Variants in POLR3D observed in about 807,000 individuals in gnomAD.
POLR3D encodes the protein DNA-directed RNA polymerase III subunit RPC4.
POLR3D carries 42 observed loss-of-function variants against 44.5 expected under a neutral mutation model. The ratio of observed to expected loss-of-function variants is 0.94; its 90% CI spans 0.74 to 1.22. POLR3D has a LOEUF of 1.22. POLR3D is among the 50% of genes most tolerant of loss of function. POLR3D has a pLI of 0.00. For missense variants in POLR3D, 507 were observed against 505.2 expected (o/e 1.00, Z -0.03); for synonymous variants, 217 against 198.1 (o/e 1.10, Z -0.80).
chr8:22,245,895 T>A lies in POLR3D; in HGVS notation c.165+281T>A, dbSNP rs183334324. 2.1e-3 allele frequency among the ~76,000 whole-genome samples: 318 copies of A among 152,342 alleles called. 3 individuals are homozygous for A. Among genetic ancestry groups the A allele is most frequent in the African/African-American group, 7.4e-3 (307 of 41,568 alleles). On this transcript the variant is annotated intron_variant, in intron 2 of 8. Coordinates refer to ENST00000306433, the MANE Select transcript of POLR3D (RefSeq NM_001722.3). ...AGTGTTTATTTACTTTTATTGTGTG[T>A]TTGGACATCTTTAAGAAACCCATGA... is the stretch of plus-strand genomic sequence containing the variant.
intron 2 of POLR3D, among the ~76,000 whole-genome samples, 158 bp downstream of exon 2, chr8:22,245,772 A>C (rs1267082625): frequency 1.3e-5 from 2 of 152,214 alleles, no homozygotes; most frequent in Non-Finnish European, 2.9e-5. Context: ...CCTACCTTCA[A>C]ATCTAGGTAC....
rs188105444 is a variant in POLR3D at position 22,245,467 on chromosome 8, C to A, written c.18C>A (p.Ala6=). Residue 6 remains alanine, a synonymous_variant, in exon 2 of 9, where the codon GCC becomes GCA. Coordinates refer to ENST00000306433, the MANE Select transcript of POLR3D (RefSeq NM_001722.3). MSEGN[A]AGEPSTPGGP... is the part of the protein sequence containing the mutation. ...CAGGCAACATGTCGGAAGGAAACGC[C>A]GCCGGCGAGCCCAGCACGCCGGGAG... The A allele has an allele frequency of 7.6e-7, 1 of 1,309,024 alleles. No individual in the cohort carries two copies. The highest frequency in any genetic ancestry group is 9.8e-7 in the Non-Finnish European group (1 of 1,021,202). The allele number at this position is 1,309,024 out of a possible 1,614,324, so 81.1% of individuals were successfully genotyped here.
chr8:22,248,152 A>G lies in POLR3D; in HGVS notation c.362-2A>G, dbSNP rs1481185421. On this transcript the variant is annotated splice_acceptor_variant, in intron 4 of 8. Coordinates refer to ENST00000306433, the MANE Select transcript of POLR3D (RefSeq NM_001722.3). LOFTEE classifies it high-confidence loss of function. ...CCTAGTGACCTGGGTGATTTCCCAC[A>G]GGGAACTGGGATAAGACAGTGGATG... 1.2e-6 allele frequency: 2 copies of G among 1,613,660 alleles called. No individual in the cohort carries two copies. Among genetic ancestry groups the G allele is most frequent in the African/African-American group, 1.3e-5 (1 of 74,896 alleles).
intron 1 of POLR3D, 47 bp downstream of exon 1, chr8:22,245,230 T>A: frequency 1.8e-6 from 1 of 545,724 alleles, no homozygotes; most frequent in Non-Finnish European, 3.3e-6. Context: ...GGTGCGTCCC[T>A]GTCTGGTTCC....
At position 22,249,582 on chromosome 8, in the gene POLR3D, C is replaced by T. The variant is rs7001492; in HGVS notation, c.921+273C>T. Among the ~76,000 whole-genome samples, 552 of 152,266 alleles carry T rather than the reference C, an allele frequency of 3.6e-3. 3 individuals carry two copies. Among genetic ancestry groups the T allele is most frequent in the African/African-American group, 0.013 (531 of 41,542 alleles). On this transcript the variant is annotated intron_variant, in intron 7 of 8. Transcript: ENST00000306433. ...CGGTGGCTCATGCCTCTAATCCCAG[C>T]GCTTTGGGAGGCTGAGACAGGAGGA...
rs1314903484 is a variant in POLR3D, at chr8:22,251,314, T to C, written c.*796T>C. The C allele has an allele frequency of 5.2e-5, 8 of 153,702 alleles. No individual in the cohort carries two copies. The highest frequency in any genetic ancestry group is 1.5e-5 in the Non-Finnish European group (1 of 68,062). The allele number at this position is 153,702 out of a possible 1,614,324, so 9.5% of individuals were successfully genotyped here. A position where few individuals can be genotyped will look rare whatever the true frequency, so the allele number is the denominator to read the frequency against. ...GCCCTAAATTTATGGTGTCAGATTG[T>C]TCTATGCCTTTTTCTCCTGGCTCCT... On this transcript the variant is annotated 3_prime_UTR_variant, in exon 9 of 9. Transcript: ENST00000306433.
chr8:22,250,338 A>G, intron 8 of POLR3D, 58 bp from the exon 9 acceptor site: 4 of 1,611,884 alleles, frequency 2.5e-6, no homozygotes, highest in Non-Finnish European at 8.5e-7. Context: ...CCCCATTCAC[A>G]GCTCTACACG....
In POLR3D at chr8:22,249,306, C is replaced by T. The variant is rs1235297259; in HGVS notation, c.918C>T (p.Asp306=). Residue 306 remains aspartate, a synonymous_variant, in exon 7 of 9, where the codon GAC becomes GAT. Transcript: ENST00000306433. ...GQVVLIKQEK[D]REAKLAENAC... is the part of the protein sequence containing the mutation. ...TGGTGCTCATCAAGCAGGAGAAAGA[C>T]CGAGTACGCTCAGACAGAGGCCTGC... 5.0e-6 allele frequency: 8 copies of T among 1,613,630 alleles called. No homozygotes were observed. Among genetic ancestry groups the T allele is most frequent in the South Asian group, 1.1e-5 (1 of 91,062 alleles).
Position 22,249,035 on chromosome 8 carries a change from C to A in POLR3D, c.656-9C>A. The stretch of plus-strand genomic sequence containing the variant: ...ACTTGATAGCATTCCATGTCTATCA[C>A]CCGGGCAGTGAAAGAGGAGCCACGA... On this transcript the variant is annotated splice_polypyrimidine_tract_variant and intron_variant, in intron 6 of 8. Transcript: ENST00000306433. 6.2e-7 allele frequency: 1 copy of A among 1,613,308 alleles called. No homozygotes were observed.
At chr8:22,248,083 C>T in intron 4 of POLR3D, 71 bp from the exon 5 acceptor site, 1 of 1,607,402 alleles carries the variant, frequency 6.2e-7, no homozygotes, top group Non-Finnish European at 8.5e-7. Flanking sequence ...TTTCCCCACT[C>T]CCATTTCCGT....
In POLR3D at chr8:22,248,183, G is replaced by C; in HGVS notation, c.391G>C (p.Asp131His). Residue 131 changes from aspartate to histidine, a missense_variant, in exon 5 of 9, where the codon GAC becomes CAC. Coordinates refer to ENST00000306433, the MANE Select transcript of POLR3D (RefSeq NM_001722.3). Reference sequence around the variant, plus strand: ...CTGGGATAAGACAGTGGATGTGTCAGACATGGGACCTTCTCATATCATCAA... The same window carrying C: ...CTGGGATAAGACAGTGGATGTGTCACACATGGGACCTTCTCATATCATCAA... ...GNWDKTVDVSDMGPSHIINIK... is the reference protein window; with the variant it reads ...GNWDKTVDVSHMGPSHIINIK... 6.2e-7 allele frequency: 1 copy of C among 1,614,214 alleles called. No individual in the cohort carries two copies. Among genetic ancestry groups the C allele is most frequent in the South Asian group, 1.1e-5 (1 of 91,068 alleles).
intron 2 of POLR3D, 149 bp from the exon 3 acceptor site, chr8:22,247,072 T>C (rs1375207796): frequency 3.4e-6 from 2 of 593,708 alleles, no homozygotes. Context: ...GGCACATGTG[T>C]ATCTATAAAA....
At position 22,245,198 on chromosome 8, in the gene POLR3D, C is replaced by T. The variant is rs909421460; in HGVS notation, c.-6+15C>T. ...TCGCGTTGCAGGTGAGGTTGTGACG[C>T]GCGGTGTGGAGCCGCGGCCCGGGTG... On this transcript the variant is annotated intron_variant, in intron 1 of 8. Coordinates refer to ENST00000306433, the MANE Select transcript of POLR3D (RefSeq NM_001722.3). The T allele has an allele frequency of 1.7e-6, 1 of 577,638 alleles. No individual in the cohort carries two copies. The highest frequency in any genetic ancestry group is 3.2e-6 in the Non-Finnish European group (1 of 314,944). The allele number at this position is 577,638 out of a possible 1,614,324, so 35.8% of individuals were successfully genotyped here. A position where few individuals can be genotyped will look rare whatever the true frequency, so the allele number is the denominator to read the frequency against.
rs761059816 is a variant in POLR3D, at chr8:22,250,516, T to C, written c.1195T>C (p.Ter399GlnextTer23). 6.2e-7 allele frequency: 1 copy of C among 1,614,118 alleles called. No homozygotes were observed. The highest frequency in any genetic ancestry group is 1.1e-5 in the South Asian group (1 of 91,086). ...FESLLDHKHR[*>Q] ...ATCCCTCTTGGATCACAAACACCGGTAAAATGAGCAGGTGGAGGAGGACGG... is the reference window on the plus strand; with the variant it reads ...ATCCCTCTTGGATCACAAACACCGGCAAAATGAGCAGGTGGAGGAGGACGG... The change falls in exon 9 of 9, where the codon TAA (stop) becomes CAA (glutamine). Residue 399 changes from the stop codon to glutamine, a stop_lost. Transcript: ENST00000306433.
Position 22,249,306 on chromosome 8 carries a change from C to CCGAGTA in POLR3D, c.921_921+5dup. On this transcript the variant is annotated inframe_insertion, in exon 7 of 9. Coordinates refer to ENST00000306433, the MANE Select transcript of POLR3D (RefSeq NM_001722.3). Reference sequence around the variant, plus strand: ...TGGTGCTCATCAAGCAGGAGAAAGACCGAGTACGCTCAGACAGAGGCCTGC... The same window carrying CCGAGTA: ...TGGTGCTCATCAAGCAGGAGAAAGACCGAGTACGAGTACGCTCAGACAGAGGCCTGC... 2 of 1,613,630 alleles carry CCGAGTA rather than the reference C, an allele frequency of 1.2e-6. No homozygotes were observed. Among genetic ancestry groups the CCGAGTA allele is most frequent in the Non-Finnish European group, 1.7e-6 (2 of 1,179,782 alleles).
intron 3 of POLR3D, among the ~76,000 whole-genome samples, chr8:22,247,534 C>G (rs542061996): frequency 6.6e-6 from 1 of 152,064 alleles, no homozygotes; most frequent in Non-Finnish European, 1.5e-5. Flanking sequence ...CTTTGTTGCC[C>G]GAGTTGAGAG....
intron 2 of POLR3D, among the ~76,000 whole-genome samples, chr8:22,246,590 G>A (rs1265232206): frequency 6.7e-6 from 1 of 149,960 alleles, no homozygotes; most frequent in Non-Finnish European, 1.5e-5. Flanking sequence ...GGATTACAGG[G>A]GCCCGCCACC....
chr8:22,245,691 G>A (rs1830032940), intron 2 of POLR3D, 77 bp downstream of exon 2: 1 of 1,047,960 alleles, frequency 9.5e-7, no homozygotes, highest in South Asian at 5.0e-5. Flanking sequence ...TGTTTGTGTA[G>A]GACCTACTGT....
At position 22,250,393 on chromosome 8, in the gene POLR3D, C is replaced by G; in HGVS notation, c.1075-3C>G. The stretch of plus-strand genomic sequence containing the variant: ...TCTCATCACTGTCTCTGTTAATTGG[C>G]AGGAGCTGGTGTCCGTGGGCCTTGG... On this transcript the variant is annotated splice_region_variant and splice_polypyrimidine_tract_variant and intron_variant, in intron 8 of 8. Coordinates refer to ENST00000306433, the MANE Select transcript of POLR3D (RefSeq NM_001722.3). 6.2e-7 allele frequency: 1 copy of G among 1,614,192 alleles called. No individual in the cohort carries two copies. Among genetic ancestry groups the G allele is most frequent in the Non-Finnish European group, 8.5e-7 (1 of 1,180,018 alleles).
Sources: allele counts gnomAD v4.1 joint callset (sites outside exome capture counted in the v4.1 genomes callset), GRCh38; gene constraint gnomAD v4.1.1; transcripts MANE v1.5; gene names NCBI Gene and HGNC (gene_info 2026-07-23, HGNC 2026-07-21).